Variants in ARID2 observed in about 807,000 individuals in gnomAD.
The protein encoded by ARID2 is AT-rich interactive domain-containing protein 2.
In ARID2, 32 loss-of-function variants were observed where a neutral mutation model predicts 184.6. The observed-to-expected ratio is 0.17, with a 90% CI of 0.13 to 0.23. The LOEUF (loss-of-function observed/expected upper bound fraction) is 0.23. ARID2 is among the 10% of genes least tolerant of loss of function. The pLI is 1.00. For missense variants in ARID2, 1,696 were observed against 2,197.6 expected (o/e 0.77, Z 4.56); for synonymous variants, 836 against 772.6 (o/e 1.08, Z -1.36).
chr12:45,824,337 A>G (rs531478890), intron 6 of ARID2, among the ~76,000 whole-genome samples: 3 of 152,080 alleles, frequency 2.0e-5, no homozygotes, highest in East Asian at 2.0e-4. Flanking sequence ...TAGGGGAAAA[A>G]CTGAAAGCTT....
intron 15 of ARID2, among the ~76,000 whole-genome samples, chr12:45,854,730 T>C (rs1435273324): frequency 1.3e-5 from 2 of 152,244 alleles, no homozygotes; most frequent in Non-Finnish European, 2.9e-5. Flanking sequence ...CACTCATTTT[T>C]TGTACCCTTA....
chr12:45,777,915 G>A (rs1942015506), intron 3 of ARID2, among the ~76,000 whole-genome samples: 1 of 151,282 alleles, frequency 6.6e-6, no homozygotes, highest in East Asian at 1.9e-4. Context: ...AATAAGAATG[G>A]TTAAAACCGG....
chr12:45,730,838 A>C (rs1592040330), intron 2 of ARID2, among the ~76,000 whole-genome samples: 4 of 113,578 alleles, frequency 3.5e-5, no homozygotes, highest in South Asian at 3.3e-4. Flanking sequence ...CAACCCGCGG[A>C]CGTCGCTGTC....
chr12:45,746,064 A>C (rs1422988742), intron 3 of ARID2, among the ~76,000 whole-genome samples: 1 of 151,194 alleles, frequency 6.6e-6, no homozygotes, highest in Non-Finnish European at 1.5e-5. Context: ...GGAGACCTCT[A>C]CTGGAAGTAT....
At chr12:45,816,720 A>AT (rs1276634910) in intron 4 of ARID2, among the ~76,000 whole-genome samples, 1 of 152,230 alleles carries the variant, frequency 6.6e-6, no homozygotes, top group Non-Finnish European at 1.5e-5. Flanking sequence ...TTAGAAAGGT[A>AT]TGGACTACTG....
At chr12:45,747,351 T>G (rs182227945) in intron 3 of ARID2, among the ~76,000 whole-genome samples, 2 of 152,368 alleles carry the variant, frequency 1.3e-5, no homozygotes, top group East Asian at 3.9e-4. Context: ...ATAGGTATTA[T>G]CCTCTTGTAG....
Position 45,829,804 on chromosome 12 carries a change from T to TTC in ARID2, c.706-6784_706-6783insCT, listed in dbSNP as rs1565612184. The stretch of plus-strand genomic sequence containing the variant: ...CTTCTAGGTTATCTTTCTTCTTCTT[T>TTC]TTTTTTTTTTTTTAATCAATTTCTG... On this transcript the variant is annotated intron_variant, in intron 6 of 20. Transcript: ENST00000334344. 3.8e-3 allele frequency among the ~76,000 whole-genome samples: 204 copies of TTC among 53,546 alleles called. 2 individuals are homozygous for TTC. Among genetic ancestry groups the TTC allele is most frequent in the African/African-American group, 0.03 (190 of 6,338 alleles). 35.1% of individuals were successfully genotyped at this position (53,546 alleles called of 152,430 possible).
chr12:45,883,786 T>C (rs1232441001), intron 16 of ARID2, among the ~76,000 whole-genome samples: 7 of 151,816 alleles, frequency 4.6e-5, no homozygotes, highest in Admixed American at 4.6e-4. Flanking sequence ...TCCTCAGCAG[T>C]AAAGGGATAA....
Position 45,893,489 on chromosome 12 carries a change from T to G in ARID2, c.5217T>G (p.Ala1739=). The G allele has an allele frequency of 1.2e-6, 2 of 1,614,090 alleles. No individual in the cohort carries two copies. The highest frequency in any genetic ancestry group is 1.3e-5 in the African/African-American group (1 of 75,050). ...AGGCCATTGTGAATCATCCCAGTGC[T>G]GCACTTATGGCTCTGAGGAGAGGAT... ...AQKAIVNHPS[A]ALMALRRGSR... is the part of the protein sequence containing the mutation. Residue 1739 remains alanine (A), a synonymous_variant, in exon 19 of 21, where the codon GCT becomes GCG. Transcript: ENST00000334344.
At chr12:45,848,746 TAAC>T (rs1386085555) in intron 12 of ARID2, 87 bp from the exon 13 acceptor site, 1 of 1,156,116 alleles carries the variant, frequency 8.6e-7, no homozygotes, top group African/African-American at 1.6e-5. Context: ...TTATTAGTTT[TAAC>T]ACATTGCCTC....
chr12:45,894,562 T>C (rs1944343966), intron 20 of ARID2, among the ~76,000 whole-genome samples: 2 of 152,220 alleles, frequency 1.3e-5, no homozygotes, highest in South Asian at 4.1e-4. Context: ...TGGTATCAAT[T>C]ATAAAAAGAA....
chr12:45,784,194 T>C (rs1050427790), intron 3 of ARID2, among the ~76,000 whole-genome samples: 1 of 152,060 alleles, frequency 6.6e-6, no homozygotes, highest in Admixed American at 6.6e-5. Context: ...TATTTAGTTA[T>C]TTATTTTTAG....
intron 3 of ARID2, among the ~76,000 whole-genome samples, chr12:45,805,454 T>C (rs185718777): frequency 6.6e-6 from 1 of 152,216 alleles, no homozygotes; most frequent in East Asian, 1.9e-4. Context: ...TTTCAAATTA[T>C]TTTAATAGTT....
At chr12:45,814,774 A>G (rs1230631049) in intron 4 of ARID2, among the ~76,000 whole-genome samples, 1 of 152,230 alleles carries the variant, frequency 6.6e-6, no homozygotes, top group Non-Finnish European at 1.5e-5. Flanking sequence ...TAATTATCTT[A>G]GGAATCTTTA....
chr12:45,786,098 TAC>T (rs1462009060), intron 3 of ARID2, among the ~76,000 whole-genome samples: 1 of 152,242 alleles, frequency 6.6e-6, no homozygotes, highest in African/African-American at 2.4e-5. Context: ...GACTGAAAGT[TAC>T]AGTCTTTTAT....
intron 12 of ARID2, among the ~76,000 whole-genome samples, chr12:45,847,256 G>A (rs545890956): frequency 3.1e-3 from 476 of 152,032 alleles, no homozygotes; most frequent in Non-Finnish European, 5.6e-3. Flanking sequence ...AGTTTGTCAG[G>A]TTACAAAATT....
intron 18 of ARID2, 35 bp downstream of exon 18, chr12:45,892,131 C>G: frequency 1.3e-6 from 2 of 1,582,100 alleles, no homozygotes; most frequent in Non-Finnish European, 1.7e-6. Flanking sequence ...GTTGTACATA[C>G]AAAAAGAAAC....
chr12:45,783,581 G>A (rs1030123757), intron 3 of ARID2, among the ~76,000 whole-genome samples: 1 of 152,188 alleles, frequency 6.6e-6, no homozygotes, highest in Admixed American at 6.5e-5. Context: ...AGTGCATTAC[G>A]TTACATCATT....
chr12:45,835,586 G>A (rs1943204965), intron 6 of ARID2, among the ~76,000 whole-genome samples: 2 of 152,084 alleles, frequency 1.3e-5, no homozygotes, highest in African/African-American at 4.8e-5. Context: ...AATATTCAGA[G>A]TTGAAGAAAT....
Sources: allele counts gnomAD v4.1 joint callset (sites outside exome capture counted in the v4.1 genomes callset), GRCh38; gene constraint gnomAD v4.1.1; transcripts MANE v1.5; gene names NCBI Gene and HGNC (gene_info 2026-07-23, HGNC 2026-07-21).